The following ITGBL1 variants were observed in gnomAD, a reference collection of about 807,000 sequenced individuals.
ITGBL1 encodes integrin subunit beta like 1, also known as integrin beta-like protein 1.
A neutral mutation model predicts 68.5 loss-of-function variants in ITGBL1; 51 were observed. The ratio of observed to expected loss-of-function variants is 0.74; its 90% confidence interval spans 0.59 to 0.94. The LOEUF (loss-of-function observed/expected upper bound fraction) is 0.94, where lower values mean the gene tolerates loss of function less well. Ranked by LOEUF, ITGBL1 falls within the 40% of genes least tolerant of loss-of-function variation. The probability of loss-of-function intolerance (pLI) is 0.00; values close to 1 mark genes in which losing one functional copy is unlikely to be tolerated. For synonymous variants in ITGBL1, 209 were observed against 227.3 expected (o/e 0.92, Z 0.72); for missense variants, 649 against 647.4 (o/e 1.00, Z -0.03).
intron 3 of ITGBL1, among the ~76,000 whole-genome samples, chr13:101,569,411 A>T (rs761079521): frequency 3.2e-4 from 48 of 152,186 alleles, no homozygotes; most frequent in Non-Finnish European, 6.2e-4. Context: ...AGTAGATGAT[A>T]AAACATATTT....
intron 7 of ITGBL1, among the ~76,000 whole-genome samples, chr13:101,686,122 A>G (rs1010147102): frequency 2.0e-5 from 3 of 152,222 alleles, no homozygotes; most frequent in South Asian, 2.1e-4. Context: ...CTTTGCTGCT[A>G]TGCTTTTGCA....
intron 2 of ITGBL1, among the ~76,000 whole-genome samples, chr13:101,476,292 ATAT>A (rs1257065821): frequency 1.3e-5 from 2 of 152,132 alleles, no homozygotes; most frequent in Admixed American, 6.5e-5. Flanking sequence ...GAATTATAAG[ATAT>A]TATTTGCAAG....
chr13:101,658,994 T>G (rs2033007519), intron 7 of ITGBL1, among the ~76,000 whole-genome samples: 1 of 151,248 alleles, frequency 6.6e-6, no homozygotes, highest in African/African-American at 2.4e-5. Context: ...GTTTCTATCT[T>G]AAACATTATA....
chr13:101,596,095 A>C (rs940790390), intron 6 of ITGBL1, among the ~76,000 whole-genome samples: 3 of 152,184 alleles, frequency 2.0e-5, no homozygotes, highest in Non-Finnish European at 2.9e-5. Context: ...ACCCAGTGGA[A>C]TAGTATTCGT....
chr13:101,528,359 G>A (rs1460048382), intron 2 of ITGBL1, among the ~76,000 whole-genome samples: 7 of 151,506 alleles, frequency 4.6e-5, no homozygotes, highest in African/African-American at 1.7e-4. Context: ...TTTATTACTT[G>A]TGTTTTTAAC....
intron 2 of ITGBL1, among the ~76,000 whole-genome samples, chr13:101,551,382 G>A (rs564538635): frequency 6.6e-6 from 1 of 152,280 alleles, no homozygotes; most frequent in Non-Finnish European, 1.5e-5. Context: ...TATCGAAAAT[G>A]AAGCCAAGGT....
intron 5 of ITGBL1, among the ~76,000 whole-genome samples, chr13:101,581,986 C>T (rs984313534): frequency 1.1e-4 from 16 of 152,094 alleles, no homozygotes; most frequent in Admixed American, 6.6e-4. Context: ...TTGCCAATCA[C>T]GATTATTTTG....
Position 101,545,043 on chromosome 13 carries a change from C to T in ITGBL1, c.317-22656C>T, listed in dbSNP as rs528672426. Reference sequence around the variant, plus strand: ...ACCCTGCTTCAGCTCACACTCGGTGCGCTGCACCCACTGTCCTGCACCCAC... The same window carrying T: ...ACCCTGCTTCAGCTCACACTCGGTGTGCTGCACCCACTGTCCTGCACCCAC... On this transcript the variant is annotated intron_variant, in intron 2 of 10. Transcript: ENST00000376180. Among the ~76,000 whole-genome samples the T allele has an allele frequency of 2.0e-3, 308 of 152,274 alleles. 1 individual carries two copies. The highest frequency in any genetic ancestry group is 6.1e-3 in the African/African-American group (252 of 41,558).
chr13:101,672,071 T>C (rs1373281351), intron 7 of ITGBL1, among the ~76,000 whole-genome samples: 1 of 152,224 alleles, frequency 6.6e-6, no homozygotes, highest in East Asian at 1.9e-4. Flanking sequence ...TCTTGCTACA[T>C]TTATGTAAAT....
chr13:101,658,854 A>G (rs772266727), intron 7 of ITGBL1, among the ~76,000 whole-genome samples: 4 of 152,010 alleles, frequency 2.6e-5, no homozygotes, highest in Non-Finnish European at 5.9e-5. Context: ...CGTCTATTGA[A>G]AGTCAGCTTT....
In ITGBL1 at chr13:101,535,243, C is replaced by CA. The variant is rs571659000; in HGVS notation, c.317-32448dup. Among the ~76,000 whole-genome samples, 40 of 151,480 alleles carry CA rather than the reference C, an allele frequency of 2.6e-4. No individual in the cohort carries two copies. The South Asian group carries it at 4.6e-3, about 17-fold the overall frequency. On this transcript the variant is annotated intron_variant, in intron 2 of 10. Coordinates refer to ENST00000376180, the MANE Select transcript of ITGBL1 (RefSeq NM_004791.3). ...AATCTTAAGTATGTTTTTATTAACT[C>CA]AAAAAAAAGAGCAAACTTTCACCTA... is the stretch of plus-strand genomic sequence containing the variant.
chr13:101,583,089 A>AT, intron 5 of ITGBL1, 127 bp from the exon 6 acceptor site: 1 of 863,214 alleles, frequency 1.2e-6, no homozygotes, highest in Non-Finnish European at 1.8e-6. Context: ...TTTTTAGAAT[A>AT]TTTTTGTCTG....
intron 2 of ITGBL1, among the ~76,000 whole-genome samples, chr13:101,472,176 C>T (rs1432705220): frequency 6.6e-6 from 1 of 152,028 alleles, no homozygotes; most frequent in African/African-American, 2.4e-5. Flanking sequence ...CCTTAATTTC[C>T]TAAATATAGA....
intron 2 of ITGBL1, among the ~76,000 whole-genome samples, chr13:101,471,285 C>T (rs922342592): frequency 2.0e-5 from 3 of 152,132 alleles, no homozygotes; most frequent in Non-Finnish European, 4.4e-5. Flanking sequence ...ATTGAGAAAA[C>T]TCCCTTGCAG....
chr13:101,471,776 T>C (rs1030213925), intron 2 of ITGBL1, among the ~76,000 whole-genome samples: 1 of 152,150 alleles, frequency 6.6e-6, no homozygotes, highest in Non-Finnish European at 1.5e-5. Context: ...ACCAATAACA[T>C]GCACTTTATA....
intron 7 of ITGBL1, among the ~76,000 whole-genome samples, chr13:101,617,676 C>T (rs2139380284): frequency 6.6e-6 from 1 of 152,210 alleles, no homozygotes. Flanking sequence ...TGATGTTTTG[C>T]ATTTCCTACA....
chr13:101,578,196 T>C (rs1159855985), intron 4 of ITGBL1, among the ~76,000 whole-genome samples: 1 of 152,176 alleles, frequency 6.6e-6, no homozygotes, highest in African/African-American at 2.4e-5. Flanking sequence ...GTCCTATTAA[T>C]GTTCTTGCCA....
At chr13:101,512,634 G>C (rs959042350) in intron 2 of ITGBL1, among the ~76,000 whole-genome samples, 1 of 152,074 alleles carries the variant, frequency 6.6e-6, no homozygotes, top group African/African-American at 2.4e-5. Flanking sequence ...CCTTCCCATG[G>C]GGTGGTTGAC....
At chr13:101,609,145 G>T (rs905308812) in intron 7 of ITGBL1, among the ~76,000 whole-genome samples, 1 of 151,958 alleles carries the variant, frequency 6.6e-6, no homozygotes, top group Non-Finnish European at 1.5e-5. Context: ...TTTATCATTT[G>T]CTTTCTTTAT....
Sources: allele counts gnomAD v4.1 joint callset (sites outside exome capture counted in the v4.1 genomes callset), GRCh38; gene constraint gnomAD v4.1.1; transcripts MANE v1.5; gene names NCBI Gene and HGNC (gene_info 2026-07-23, HGNC 2026-07-21).